GRM3: variants seen among roughly 807,000 people sequenced by gnomAD.
GRM3 encodes metabotropic glutamate receptor 3.
GRM3 carries 26 observed loss-of-function variants against 70.5 expected under a neutral mutation model. The ratio of observed to expected loss-of-function variants is 0.37; its 90% CI spans 0.27 to 0.51. The LOEUF (loss-of-function observed/expected upper bound fraction) is 0.51, where lower values mean the gene tolerates loss of function less well. Ranked by LOEUF, GRM3 falls within the 20% of genes least tolerant of loss-of-function variation. The probability of loss-of-function intolerance (pLI) is 0.93; values close to 1 mark genes in which losing one functional copy is unlikely to be tolerated. For synonymous variants in GRM3, 443 were observed against 434.9 expected (o/e 1.02, Z -0.23); for missense variants, 859 against 1,123.8 (o/e 0.76, Z 3.37).
intron 1 of GRM3, among the ~76,000 whole-genome samples, chr7:86,665,677 T>C (rs921020612): frequency 2.6e-5 from 4 of 152,042 alleles, no homozygotes; most frequent in African/African-American, 9.7e-5. Context: ...ATGTTATACT[T>C]CTTCTGTTTA....
chr7:86,689,640 G>A (rs1562826555), intron 1 of GRM3, among the ~76,000 whole-genome samples: 1 of 151,700 alleles, frequency 6.6e-6, no homozygotes, highest in Admixed American at 6.6e-5. Flanking sequence ...AATAGAATTG[G>A]AAAAAAATAT....
At chr7:86,774,778 G>A (rs1380816256) in intron 2 of GRM3, among the ~76,000 whole-genome samples, 1 of 152,066 alleles carries the variant, frequency 6.6e-6, no homozygotes, top group East Asian at 1.9e-4. Flanking sequence ...AGGCCTCATA[G>A]AATGCAAACC....
chr7:86,853,850 G>A (rs981145140), intron 5 of GRM3, among the ~76,000 whole-genome samples: 5 of 152,120 alleles, frequency 3.3e-5, no homozygotes, highest in African/African-American at 1.2e-4. Flanking sequence ...GCTCCATGAG[G>A]CTGACGTTCT....
chr7:86,709,463 C>G (rs1046396663), intron 1 of GRM3, among the ~76,000 whole-genome samples: 1 of 152,080 alleles, frequency 6.6e-6, no homozygotes, highest in Non-Finnish European at 1.5e-5. Flanking sequence ...CCTAACCAGG[C>G]TTCTCTTTGA....
At chr7:86,690,288 G>C (rs533949904) in intron 1 of GRM3, among the ~76,000 whole-genome samples, 3 of 152,072 alleles carry the variant, frequency 2.0e-5, no homozygotes, top group South Asian at 2.1e-4. Context: ...TGGAACAGAT[G>C]AATTTGGTGA....
chr7:86,783,469 C>T (rs921498626), intron 2 of GRM3, among the ~76,000 whole-genome samples: 1 of 152,058 alleles, frequency 6.6e-6, no homozygotes, highest in Admixed American at 6.5e-5. Context: ...ATAATAATAT[C>T]CACCATAAAA....
chr7:86,840,688 G>A (rs1798542227), intron 4 of GRM3, among the ~76,000 whole-genome samples: 1 of 152,018 alleles, frequency 6.6e-6, no homozygotes, highest in African/African-American at 2.4e-5. Context: ...ATCTTACAAT[G>A]AGTGAGTATA....
intron 3 of GRM3, among the ~76,000 whole-genome samples, chr7:86,822,094 C>A (rs1158932740): frequency 6.6e-6 from 1 of 152,006 alleles, no homozygotes; most frequent in Admixed American, 6.6e-5. Flanking sequence ...CACAGTGGCA[C>A]CAGATCTTTC....
intron 1 of GRM3, among the ~76,000 whole-genome samples, chr7:86,717,727 G>A (rs1795353912): frequency 6.6e-6 from 1 of 151,874 alleles, no homozygotes; most frequent in Admixed American, 6.6e-5. Context: ...GAAACATAAG[G>A]GTTTGTCAAG....
chr7:86,769,404 G>T (rs60455775), intron 2 of GRM3, among the ~76,000 whole-genome samples: 5,432 of 152,188 alleles, frequency 0.036, 299 homozygotes, highest in African/African-American at 0.12. Context: ...CAAATTGCCT[G>T]TTGAGAGAGA....
At chr7:86,761,384 C>T (rs1239073090) in intron 1 of GRM3, among the ~76,000 whole-genome samples, 5 of 152,120 alleles carry the variant, frequency 3.3e-5, no homozygotes, top group Admixed American at 2.6e-4. Context: ...TATTCAAGTA[C>T]AAAGGCAGTA....
chr7:86,727,775 G>A (rs1344336116), intron 1 of GRM3, among the ~76,000 whole-genome samples: 1 of 152,100 alleles, frequency 6.6e-6, no homozygotes, highest in African/African-American at 2.4e-5. Context: ...TCTAAACCAG[G>A]AGTCCACAAA....
chr7:86,694,018 A>C (rs1794753755), intron 1 of GRM3, among the ~76,000 whole-genome samples: 1 of 152,204 alleles, frequency 6.6e-6, no homozygotes, highest in African/African-American at 2.4e-5. Flanking sequence ...CACACTATTA[A>C]TTCCATAGCT....
intron 2 of GRM3, among the ~76,000 whole-genome samples, chr7:86,774,232 T>G (rs1796824327): frequency 6.6e-6 from 1 of 152,138 alleles, no homozygotes; most frequent in African/African-American, 2.4e-5. Context: ...TAGCAGTTTA[T>G]AATAATGAAG....
chr7:86,664,170 C>T (rs1793966411), intron 1 of GRM3, among the ~76,000 whole-genome samples: 2 of 151,768 alleles, frequency 1.3e-5, no homozygotes, highest in East Asian at 3.9e-4. Flanking sequence ...AAGACCCTCA[C>T]TGGAATGTGG....
chr7:86,731,397 C>T (rs567675934), intron 1 of GRM3, among the ~76,000 whole-genome samples: 1 of 152,314 alleles, frequency 6.6e-6, no homozygotes, highest in South Asian at 2.1e-4. Flanking sequence ...GCATTAAATT[C>T]TGCCTCCATG....
intron 1 of GRM3, among the ~76,000 whole-genome samples, chr7:86,676,908 T>A (rs948175794): frequency 6.6e-6 from 1 of 152,020 alleles, no homozygotes; most frequent in Non-Finnish European, 1.5e-5. Flanking sequence ...GGATTGAATA[T>A]AGTCATGCTT....
chr7:86,653,877 C>G (rs185948826), intron 1 of GRM3, among the ~76,000 whole-genome samples: 1 of 152,172 alleles, frequency 6.6e-6, no homozygotes, highest in Admixed American at 6.5e-5. Flanking sequence ...CTTAGAAACT[C>G]TCCTCGATTT....
In GRM3 at chr7:86,756,250, T is replaced by C. The variant is rs1479939832; in HGVS notation, c.-140-8756T>C. Among the ~76,000 whole-genome samples, 3 of 152,240 alleles carry C rather than the reference T, an allele frequency of 2.0e-5. No homozygotes were observed. In the East Asian group the frequency reaches 5.8e-4, roughly 29 times the overall value. On this transcript the variant is annotated intron_variant, in intron 1 of 5. Coordinates refer to ENST00000361669, the MANE Select transcript of GRM3 (RefSeq NM_000840.3). ...CACACCACCAAGCCCAGCTAATTTT[T>C]GTATTTTTAGTAAAGACGGGGTTTC...
Sources: allele counts gnomAD v4.1 joint callset (sites outside exome capture counted in the v4.1 genomes callset), GRCh38; gene constraint gnomAD v4.1.1; transcripts MANE v1.5; gene names NCBI Gene and HGNC (gene_info 2026-07-23, HGNC 2026-07-21).